HSD17B4: variants seen among roughly 807,000 people sequenced by gnomAD.
HSD17B4 encodes hydroxysteroid 17-beta dehydrogenase 4.
HSD17B4 carries 70 observed loss-of-function variants against 101.0 expected under a neutral mutation model. That is an observed-to-expected ratio of 0.69 (90% confidence interval 0.57 to 0.85). The LOEUF (loss-of-function observed/expected upper bound fraction) is 0.85, where lower values mean the gene tolerates loss of function less well. Among genes scored for constraint, HSD17B4 ranks in the 40% least tolerant of loss-of-function variants. The pLI is 0.00. For synonymous variants in HSD17B4, 347 were observed against 297.1 expected (o/e 1.17, Z -1.73); for missense variants, 984 against 892.4 (o/e 1.10, Z -1.31).
At chr5:119,485,032 A>G (rs1287321693) in intron 8 of HSD17B4, among the ~76,000 whole-genome samples, 4 of 152,184 alleles carry the variant, frequency 2.6e-5, no homozygotes, top group Non-Finnish European at 5.9e-5. Flanking sequence ...TAAAGCATGA[A>G]AATGTAATGA....
At position 119,516,041 on chromosome 5, in the gene HSD17B4, A is replaced by C. The variant is rs1406856954; in HGVS notation, c.1503+995A>C. On this transcript the variant is annotated intron_variant, in intron 17 of 23. Coordinates refer to ENST00000510025, the MANE Select transcript of HSD17B4 (RefSeq NM_000414.4). ...TAAAAAATTTTTTTTGGTATGTTTG[A>C]TATGAAAACTTCTGCAGGACTTATG... Among the ~76,000 whole-genome samples, 16 of 152,300 alleles carry C rather than the reference A, an allele frequency of 1.1e-4. No individual in the cohort carries two copies. The South Asian group carries it at 2.7e-3, about 26-fold the overall frequency.
chr5:119,530,365 C>A (rs1056474058), intron 21 of HSD17B4, among the ~76,000 whole-genome samples: 4 of 151,872 alleles, frequency 2.6e-5, no homozygotes, highest in Admixed American at 2.0e-4. Flanking sequence ...ATATATAAAC[C>A]AGCAGCGTGT....
chr5:119,460,427 A>C (rs191545316), intron 2 of HSD17B4, among the ~76,000 whole-genome samples: 44 of 152,300 alleles, frequency 2.9e-4, no homozygotes, highest in African/African-American at 1.0e-3. Flanking sequence ...AAATACCCAC[A>C]TCTCCCTTGG....
chr5:119,499,128 T>G (rs1266123306), intron 12 of HSD17B4, among the ~76,000 whole-genome samples, 189 bp from the exon 13 acceptor site: 1 of 152,184 alleles, frequency 6.6e-6, no homozygotes. Flanking sequence ...TAACTGTAAA[T>G]GAAGTCCTTT....
intron 8 of HSD17B4, among the ~76,000 whole-genome samples, chr5:119,483,654 C>T (rs1053484344): frequency 1.3e-5 from 2 of 152,114 alleles, no homozygotes; most frequent in Admixed American, 6.5e-5. Context: ...TTCCAATATA[C>T]ATAAGAGTAA....
intron 2 of HSD17B4, among the ~76,000 whole-genome samples, chr5:119,459,086 C>G (rs1314420837): frequency 6.6e-6 from 1 of 152,200 alleles, no homozygotes; most frequent in Non-Finnish European, 1.5e-5. Context: ...GCTACAGTTA[C>G]ATAATAATGG....
intron 17 of HSD17B4, among the ~76,000 whole-genome samples, chr5:119,515,495 A>G (rs1214579002): frequency 1.3e-5 from 2 of 152,174 alleles, no homozygotes; most frequent in African/African-American, 4.8e-5. Context: ...ACTGTAAAGG[A>G]TAGGCAAATA....
chr5:119,469,356 C>T (rs886279850), intron 2 of HSD17B4, among the ~76,000 whole-genome samples: 7 of 145,716 alleles, frequency 4.8e-5, no homozygotes, highest in Non-Finnish European at 1.1e-4. Context: ...ATTTTTATTT[C>T]TTTATTTATC....
At chr5:119,489,000 T>G (rs1301072442) in intron 8 of HSD17B4, among the ~76,000 whole-genome samples, 192 bp from the exon 9 acceptor site, 1 of 152,162 alleles carries the variant, frequency 6.6e-6, no homozygotes, top group Non-Finnish European at 1.5e-5. Flanking sequence ...TTTTAGAAGC[T>G]TGAGAGCCCT....
intron 14 of HSD17B4, among the ~76,000 whole-genome samples, chr5:119,502,800 A>T (rs1751292093): frequency 6.6e-6 from 1 of 152,150 alleles, no homozygotes; most frequent in African/African-American, 2.4e-5. Context: ...TTTCTAAAAA[A>T]TGTATGAGAT....
intron 2 of HSD17B4, among the ~76,000 whole-genome samples, chr5:119,467,997 T>G (rs1755985810): frequency 6.6e-6 from 1 of 152,224 alleles, no homozygotes; most frequent in Non-Finnish European, 1.5e-5. Context: ...GCCAATCTCT[T>G]TATCATTTAA....
chr5:119,479,866 C>A (rs2126706649), intron 8 of HSD17B4, among the ~76,000 whole-genome samples: 1 of 152,152 alleles, frequency 6.6e-6, no homozygotes, highest in South Asian at 2.1e-4. Context: ...AGTGTGATTG[C>A]TGGATGGATG....
chr5:119,518,524 A>C (rs770741325), intron 17 of HSD17B4, among the ~76,000 whole-genome samples: 1 of 152,142 alleles, frequency 6.6e-6, no homozygotes, highest in Admixed American at 6.5e-5. Context: ...CTCTCCGGAT[A>C]TGTAGGGCTT....
At chr5:119,474,269 T>G in intron 3 of HSD17B4, 132 bp from the exon 4 acceptor site, 1 of 748,640 alleles carries the variant, frequency 1.3e-6, no homozygotes, top group Non-Finnish European at 2.5e-6. Flanking sequence ...TAGTAAATTA[T>G]TGTAGATATG....
rs1753684566 is a variant in HSD17B4, at chr5:119,527,225, A to C, written c.1767+6A>C. On this transcript the variant is annotated splice_donor_region_variant and intron_variant, in intron 20 of 23. Transcript: ENST00000510025. ...GAATTCATTTTCAAACCAAGGTATGAATTTTGCTTTTTCACCCTTCTCACA... is the reference window on the plus strand; with the variant it reads ...GAATTCATTTTCAAACCAAGGTATGCATTTTGCTTTTTCACCCTTCTCACA... The C allele has an allele frequency of 6.3e-7, 1 of 1,579,292 alleles. No individual in the cohort carries two copies. The highest frequency in any genetic ancestry group is 1.1e-5 in the South Asian group (1 of 90,304).
chr5:119,468,617 A>G (rs1756043385), intron 2 of HSD17B4, among the ~76,000 whole-genome samples: 1 of 152,110 alleles, frequency 6.6e-6, no homozygotes, highest in Non-Finnish European at 1.5e-5. Flanking sequence ...GGTTGAATCC[A>G]TTTGAAGACC....
chr5:119,525,196 T>A lies in HSD17B4; in HGVS notation c.1504-20T>A. ...CTAACAAAACACTGAGTTCTAGTTA[T>A]GTTTATGCTTTCTCCACAGGCTGCT... On this transcript the variant is annotated intron_variant, in intron 17 of 23. Transcript: ENST00000510025. 1 of 1,577,016 alleles carries A rather than the reference T, an allele frequency of 6.3e-7. No homozygotes were observed. Among genetic ancestry groups the A allele is most frequent in the Non-Finnish European group, 8.7e-7 (1 of 1,146,856 alleles).
At chr5:119,513,532 C>T (rs1003281377) in intron 16 of HSD17B4, among the ~76,000 whole-genome samples, 6 of 152,036 alleles carry the variant, frequency 3.9e-5, no homozygotes, top group Non-Finnish European at 5.9e-5. Context: ...TACAGGTGCC[C>T]GCCACCACAC....
At chr5:119,496,443 T>C in intron 11 of HSD17B4, 100 bp from the exon 12 acceptor site, 1 of 750,722 alleles carries the variant, frequency 1.3e-6, no homozygotes, top group Non-Finnish European at 2.4e-6. Flanking sequence ...GTAGCAGGTT[T>C]GCTGAATGTT....
Sources: gnomAD v4.1 joint callset for allele counts (sites outside exome capture counted in the v4.1 genomes callset) on GRCh38, gnomAD v4.1.1 for gene constraint, MANE v1.5 for transcripts, NCBI Gene and HGNC (gene_info 2026-07-23, HGNC 2026-07-21) for gene names.